ANKRD18B: variants seen among roughly 807,000 people sequenced by gnomAD.
The protein encoded by ANKRD18B is ankyrin repeat domain 18B, also known as ankyrin repeat domain-containing protein 18B.
A neutral mutation model predicts 111.8 loss-of-function variants in ANKRD18B; 75 were observed. That is an observed-to-expected ratio of 0.67 (90% CI 0.56 to 0.81). The LOEUF (loss-of-function observed/expected upper bound fraction) is 0.81, where lower values mean the gene tolerates loss of function less well. Among genes scored for constraint, ANKRD18B ranks in the 40% least tolerant of loss-of-function variants. ANKRD18B has a pLI of 0.00. For missense variants in ANKRD18B, 1,038 were observed against 1,225.5 expected (o/e 0.85, Z 2.28); for synonymous variants, 356 against 417.3 (o/e 0.85, Z 1.79).
chr9:33,550,940 A>G (rs1463034283), intron 12 of ANKRD18B, among the ~76,000 whole-genome samples: 2 of 152,218 alleles, frequency 1.3e-5, no homozygotes, highest in Non-Finnish European at 2.9e-5. Flanking sequence ...TTAATGGAAT[A>G]TTCCATCAAG....
chr9:33,538,561 C>T (rs995681663), intron 6 of ANKRD18B, among the ~76,000 whole-genome samples: 1 of 152,034 alleles, frequency 6.6e-6, no homozygotes, highest in East Asian at 1.9e-4. Context: ...CATGGTGAAA[C>T]CCTATCTCTA....
chr9:33,570,562 T>C (rs971419580), intron 17 of ANKRD18B, among the ~76,000 whole-genome samples: 1 of 152,086 alleles, frequency 6.6e-6, no homozygotes, highest in African/African-American at 2.4e-5. Context: ...ATTAAACTTT[T>C]ATAAAGGACA....
chr9:33,533,201 T>G (rs397832797), intron 3 of ANKRD18B, among the ~76,000 whole-genome samples: 11 of 152,322 alleles, frequency 7.2e-5, no homozygotes, highest in South Asian at 6.2e-4. Flanking sequence ...CAAGGATTTT[T>G]GGGACTGGTA....
At chr9:33,552,989 G>A (rs1389965991) in intron 12 of ANKRD18B, among the ~76,000 whole-genome samples, 10 of 151,778 alleles carry the variant, frequency 6.6e-5, no homozygotes, top group African/African-American at 1.9e-4. Flanking sequence ...GCTCAAGGTC[G>A]CACAGCTAGT....
At position 33,559,783 on chromosome 9, in the gene ANKRD18B, TG is replaced by T. The variant is rs571118801; in HGVS notation, c.2460+1600del. On this transcript the variant is annotated intron_variant, in intron 14 of 18. Transcript: ENST00000684830. ...CAGATCACTAGTACCAAATAAATTT[TG>T]GGGTGTAACAGGTTTATTGAGAAGT... 4.1e-4 allele frequency among the ~76,000 whole-genome samples: 63 copies of T among 152,314 alleles called. No homozygotes were observed. The East Asian group carries it at 0.012, about 28-fold the overall frequency.
At position 33,566,863 on chromosome 9, in the gene ANKRD18B, T is replaced by C. The variant is rs1490916935; in HGVS notation, c.2743-240T>C. 1.8e-5 allele frequency: 8 copies of C among 455,652 alleles called. No individual in the cohort carries two copies. In the Admixed American group the frequency reaches 3.3e-4, roughly 19 times the overall value. 28.2% of individuals were successfully genotyped at this position (455,652 alleles called of 1,614,324 possible). A position where few individuals can be genotyped will look rare whatever the true frequency, so the allele number is the denominator to read the frequency against. On this transcript the variant is annotated intron_variant, in intron 15 of 18. Coordinates refer to ENST00000684830, the MANE Select transcript of ANKRD18B (RefSeq NM_001393611.1). Reference sequence around the variant, plus strand: ...AAAATTATAAATGGATTCTATTACTTTTTATAGGACCAGATTACATTAATA... The same window carrying C: ...AAAATTATAAATGGATTCTATTACTCTTTATAGGACCAGATTACATTAATA...
At chr9:33,533,761 G>A (rs1206761353) in intron 4 of ANKRD18B, 3 of 974,774 alleles carry the variant, frequency 3.1e-6, no homozygotes, top group Non-Finnish European at 4.0e-6. Flanking sequence ...CTTATAGACT[G>A]TTATTTGTAA....
chr9:33,541,131 T>C lies in ANKRD18B; in HGVS notation c.998-16T>C. 2 of 1,539,582 alleles carry C rather than the reference T, an allele frequency of 1.3e-6. No homozygotes were observed. Among genetic ancestry groups the C allele is most frequent in the Non-Finnish European group, 1.7e-6 (2 of 1,144,092 alleles). On this transcript the variant is annotated splice_polypyrimidine_tract_variant and intron_variant, in intron 8 of 18. Coordinates refer to ENST00000684830, the MANE Select transcript of ANKRD18B (RefSeq NM_001393611.1). ...TTTTCCAGAAGGAATATCTAACAAGTTTGCGTGTTTGACAGAAACAGCAGC... is the reference window on the plus strand; with the variant it reads ...TTTTCCAGAAGGAATATCTAACAAGCTTGCGTGTTTGACAGAAACAGCAGC...
chr9:33,526,998 G>A (rs1828033672), intron 1 of ANKRD18B, among the ~76,000 whole-genome samples: 1 of 152,080 alleles, frequency 6.6e-6, no homozygotes, highest in South Asian at 2.1e-4. Flanking sequence ...TATCTCTCAG[G>A]ATGCTTCCAT....
intron 17 of ANKRD18B, among the ~76,000 whole-genome samples, chr9:33,570,927 T>A (rs567684377): frequency 7.2e-5 from 11 of 152,290 alleles, no homozygotes; most frequent in African/African-American, 2.2e-4. Context: ...TGAGCTGCCA[T>A]GCCCGGTCAT....
rs1309034539 is a variant in ANKRD18B at position 33,543,170 on chromosome 9, T to C, written c.1079-15T>C. The C allele has an allele frequency of 6.5e-7, 1 of 1,545,176 alleles. No individual in the cohort carries two copies. The highest frequency in any genetic ancestry group is 8.7e-7 in the Non-Finnish European group (1 of 1,142,870). Reference sequence around the variant, plus strand: ...AAGTCATTCATTTTAACTAAACATATGGATTTGTCAGCAGAACACAACTTA... The same window carrying C: ...AAGTCATTCATTTTAACTAAACATACGGATTTGTCAGCAGAACACAACTTA... On this transcript the variant is annotated splice_polypyrimidine_tract_variant and intron_variant, in intron 9 of 18. Coordinates refer to ENST00000684830, the MANE Select transcript of ANKRD18B (RefSeq NM_001393611.1).
intron 4 of ANKRD18B, chr9:33,533,884 C>CATTATT (rs57494608): frequency 0.045 from 5,767 of 128,004 alleles, 114 homozygotes; most frequent in African/African-American, 0.09. Context: ...TTACCATTAT[C>CATTATT]ATTATTATTA....
rs1364310877 is a variant in ANKRD18B at position 33,548,260 on chromosome 9, A to G, written c.1472A>G (p.Glu491Gly). The G allele has an allele frequency of 2.6e-6, 4 of 1,551,200 alleles. No individual in the cohort carries two copies. The highest frequency in any genetic ancestry group is 3.5e-6 in the Non-Finnish European group (4 of 1,146,688). ...AAAGAAAGACTAGAAGCTGAAGTTG[A>G]ATCCCTCCATTCTAACTTGGCCACT... Reference protein sequence around the residue: ...HNKERLEAEVESLHSNLATAI... With the variant: ...HNKERLEAEVGSLHSNLATAI... Residue 491 changes from glutamate to glycine, a missense_variant, in exon 11 of 19, where the codon GAA (glutamate) becomes GGA (glycine). Glu to Gly is a moderately conservative substitution (Grantham distance 98, BLOSUM62 -2). Coordinates refer to ENST00000684830, the MANE Select transcript of ANKRD18B (RefSeq NM_001393611.1).
chr9:33,535,905 G>C (rs1281926262), intron 5 of ANKRD18B, among the ~76,000 whole-genome samples: 1 of 150,878 alleles, frequency 6.6e-6, no homozygotes, highest in East Asian at 1.9e-4. Context: ...AATGAGAACA[G>C]AGCTGAGTAG....
chr9:33,557,481 T>C (rs552720350), intron 13 of ANKRD18B, among the ~76,000 whole-genome samples: 2 of 152,296 alleles, frequency 1.3e-5, no homozygotes, highest in South Asian at 2.1e-4. Flanking sequence ...ATATGAATAG[T>C]TTATTTATAA....
intron 12 of ANKRD18B, among the ~76,000 whole-genome samples, chr9:33,551,423 C>T (rs1054668518): frequency 3.9e-5 from 6 of 152,180 alleles, no homozygotes; most frequent in African/African-American, 1.4e-4. Context: ...TCTCCACCTA[C>T]CCCAGTTGTA....
chr9:33,530,518 C>G (rs1417014389), intron 3 of ANKRD18B, among the ~76,000 whole-genome samples: 3 of 76,804 alleles, frequency 3.9e-5, no homozygotes, highest in African/African-American at 1.5e-4. Context: ...TCTCTTACCA[C>G]AACAAGAGCA....
intron 3 of ANKRD18B, 82 bp from the exon 4 acceptor site, chr9:33,533,357 C>T: frequency 2.7e-6 from 4 of 1,500,532 alleles, no homozygotes; most frequent in Non-Finnish European, 3.5e-6. Context: ...TGTTTAAGTT[C>T]ATAGCATCTT....
chr9:33,551,998 AG>A (rs1828453991), intron 12 of ANKRD18B, among the ~76,000 whole-genome samples: 1 of 152,256 alleles, frequency 6.6e-6, no homozygotes, highest in Non-Finnish European at 1.5e-5. Flanking sequence ...TTTTAATGGA[AG>A]ATAATTTTGT....
Sources: gnomAD v4.1 joint callset for allele counts (sites outside exome capture counted in the v4.1 genomes callset) on GRCh38, gnomAD v4.1.1 for gene constraint, MANE v1.5 for transcripts, NCBI Gene and HGNC (gene_info 2026-07-23, HGNC 2026-07-21) for gene names.